The following ARHGAP29 variants were observed in gnomAD, a reference collection of about 807,000 sequenced individuals.
ARHGAP29 encodes the protein Rho GTPase activating protein 29, also known as rho GTPase-activating protein 29.
ARHGAP29 carries 43 observed loss-of-function variants against 122.6 expected under a neutral mutation model. That is an observed-to-expected ratio of 0.35 (90% CI 0.27 to 0.45). The LOEUF (loss-of-function observed/expected upper bound fraction) is 0.45, where lower values mean the gene tolerates loss of function less well. ARHGAP29 is among the 20% of genes least tolerant of loss of function. ARHGAP29 has a pLI of 1.00. For missense variants in ARHGAP29, 1,303 were observed against 1,477.2 expected, an observed-to-expected ratio of 0.88 and a Z score of 1.93; for synonymous variants, 506 against 497.1, an observed-to-expected ratio of 1.02 and a Z score of -0.24.
intron 2 of ARHGAP29, among the ~76,000 whole-genome samples, chr1:94,223,929 T>A (rs1046569796): frequency 6.6e-6 from 1 of 152,022 alleles, no homozygotes; most frequent in Non-Finnish European, 1.5e-5. Flanking sequence ...TGCCTCAGCC[T>A]CCCAAGTAGC....
At position 94,236,837 on chromosome 1, in the gene ARHGAP29, G is replaced by C. The variant is rs547809323; in HGVS notation, c.-33+578C>G. Among the ~76,000 whole-genome samples, 7 of 152,276 alleles carry C rather than the reference G, an allele frequency of 4.6e-5. No individual in the cohort carries two copies. The South Asian group carries it at 1.2e-3, about 27-fold the overall frequency. On this transcript the variant is annotated intron_variant, in intron 1 of 22. Transcript: ENST00000260526. Reference sequence around the variant, plus strand: ...AAATCCTAAAATATCTCAGGAATGAGAGCCCAACTGGAGTGAGGGCTGCAG... The same window carrying C: ...AAATCCTAAAATATCTCAGGAATGACAGCCCAACTGGAGTGAGGGCTGCAG...
chr1:94,203,952 G>C lies in ARHGAP29; in HGVS notation c.740C>G (p.Thr247Ser), dbSNP rs764929167. 2 of 1,613,680 alleles carry C rather than the reference G, an allele frequency of 1.2e-6. No homozygotes were observed. The highest frequency in any genetic ancestry group is 2.7e-5 in the African/African-American group (2 of 74,888). Residue 247 changes from threonine (T) to serine (S), a missense_variant, in exon 8 of 23, where the codon ACT (threonine) becomes AGT (serine). Around this residue, in one of 3 missense-constraint regions of ARHGAP29, gnomAD observed 592 missense variants for 648.2 expected, o/e 0.91. Coordinates refer to ENST00000260526, the MANE Select transcript of ARHGAP29 (RefSeq NM_004815.4). ...TRNMVKLAEA[T>S]RTNIGIQEFM... ...TACCTGAATTCCAATGTTAGTTCTA[G>C]TTGCCTCTGCCAACTTGACCATATT...
intron 19 of ARHGAP29, among the ~76,000 whole-genome samples, chr1:94,180,551 A>G (rs1649388798): frequency 6.6e-6 from 1 of 152,198 alleles, no homozygotes; most frequent in Non-Finnish European, 1.5e-5. Flanking sequence ...GTGATGAAAC[A>G]CAGGGTACCT....
At chr1:94,295,743 C>CCACACAATGTGGAATCTTCTAATTT in the ARHGAP29 span, among the ~76,000 whole-genome samples, 1 of 152,140 alleles carries the variant, frequency 6.6e-6, no homozygotes, top group Non-Finnish European at 1.5e-5. Flanking sequence ...TCTTCTAATT[C>CCACACAATGTGGAATCTTCTAATTT]CACACAATGT....
In ARHGAP29 at chr1:94,171,218, T is replaced by C. The variant is rs1392231394; in HGVS notation, c.*2651A>G. On this transcript the variant is annotated 3_prime_UTR_variant, in exon 23 of 23. Transcript: ENST00000260526. ...CCCAAATAACTGAGGTACAATTCTA[T>C]CTGCTTGTGAGTTCACTAGGCAACA... Among the ~76,000 whole-genome samples, 2 of 152,190 alleles carry C rather than the reference T, an allele frequency of 1.3e-5. No individual in the cohort carries two copies. The highest frequency in any genetic ancestry group is 1.9e-4 in the East Asian group (1 of 5,198).
chr1:94,290,871 A>G, the ARHGAP29 span, among the ~76,000 whole-genome samples: 3 of 152,092 alleles, frequency 2.0e-5, no homozygotes, highest in Non-Finnish European at 4.4e-5. Flanking sequence ...AATAAGTGTG[A>G]TGTGCTGTGA....
intron 18 of ARHGAP29, among the ~76,000 whole-genome samples, chr1:94,184,609 C>A (rs1184047643): frequency 6.6e-6 from 1 of 151,202 alleles, no homozygotes; most frequent in East Asian, 1.9e-4. Context: ...TTTTAATTAG[C>A]CAGGCGTGGT....
intron 1 of ARHGAP29, among the ~76,000 whole-genome samples, chr1:94,263,836 T>C (rs2100719810): frequency 6.6e-6 from 1 of 152,306 alleles, no homozygotes; most frequent in South Asian, 2.1e-4. Context: ...AATATAAACA[T>C]TTTCCCATGC....
At chr1:94,237,309 G>A in intron 1 of ARHGAP29, 106 bp downstream of exon 1, 7 of 791,362 alleles carry the variant, frequency 8.8e-6, no homozygotes, top group Non-Finnish European at 1.1e-5. Context: ...GCCGCCCCGC[G>A]GGCCTCCCGG....
chr1:94,177,416 C>A, intron 22 of ARHGAP29, 196 bp downstream of exon 22: 1 of 428,126 alleles, frequency 2.3e-6, no homozygotes, highest in South Asian at 5.4e-5. Flanking sequence ...ATAAGAAAGA[C>A]TTTTATGAAG....
rs1557877880 is a variant in ARHGAP29, at chr1:94,231,550, G to C, written c.62C>G (p.Ser21Cys). ...CATTTCAGAAGTTGTAATATCAGTA[G>C]AGAGTTGACCTGATGCCCAAGCACG... is the stretch of plus-strand genomic sequence containing the variant. The part of the protein sequence containing the change: ...KKRAWASGQL[S>C]TDITTSEMGL... Residue 21 changes from serine to cysteine, a missense_variant, in exon 2 of 23, where the codon TCT (serine) becomes TGT (cysteine). Around this residue, in one of 3 missense-constraint regions of ARHGAP29, gnomAD observed 592 missense variants for 648.2 expected, o/e 0.91. Coordinates refer to ENST00000260526, the MANE Select transcript of ARHGAP29 (RefSeq NM_004815.4). The C allele has an allele frequency of 6.2e-7, 1 of 1,613,736 alleles. No individual in the cohort carries two copies. Among genetic ancestry groups the C allele is most frequent in the East Asian group, 2.2e-5 (1 of 44,830 alleles).
chr1:94,188,014 G>T (rs1405326743), intron 15 of ARHGAP29, among the ~76,000 whole-genome samples: 1 of 152,132 alleles, frequency 6.6e-6, no homozygotes, highest in East Asian at 1.9e-4. Context: ...ATCTGAGATG[G>T]CTTAAATCCT....
the ARHGAP29 span, among the ~76,000 whole-genome samples, chr1:94,294,201 A>G: frequency 5.5e-4 from 84 of 152,302 alleles, no homozygotes; most frequent in Non-Finnish European, 1.0e-3. Context: ...TTTGGAACAT[A>G]TTGAGTTGTG....
chr1:94,203,930 C>T lies in ARHGAP29; in HGVS notation c.762G>A (p.Gln254=), dbSNP rs746547702. ...AEATRTNIGI[Q]EFMPLQSLFT... ...CCCCCGAAGTTCACAGAACACTTAC[C>T]TGAATTCCAATGTTAGTTCTAGTTG... Residue 254 remains glutamine, a splice_region_variant and synonymous_variant, in exon 8 of 23, where the codon CAG becomes CAA. Coordinates refer to ENST00000260526, the MANE Select transcript of ARHGAP29 (RefSeq NM_004815.4). 31 of 1,613,516 alleles carry T rather than the reference C, an allele frequency of 1.9e-5. No individual in the cohort carries two copies. The highest frequency in any genetic ancestry group is 2.5e-5 in the Non-Finnish European group (30 of 1,179,690).
At chr1:94,176,213 A>G (rs1649080937) in intron 22 of ARHGAP29, among the ~76,000 whole-genome samples, 1 of 152,228 alleles carries the variant, frequency 6.6e-6, no homozygotes, top group African/African-American at 2.4e-5. Flanking sequence ...GCACTGGGCT[A>G]GGCAATATCA....
chr1:94,233,095 A>C (rs560427173), intron 1 of ARHGAP29, among the ~76,000 whole-genome samples: 277 of 151,800 alleles, frequency 1.8e-3, no homozygotes, highest in Non-Finnish European at 3.2e-3. Context: ...CAGGGGCACA[A>C]CACCACACCT....
chr1:94,229,400 G>T (rs1033065805), intron 2 of ARHGAP29, among the ~76,000 whole-genome samples: 1 of 151,574 alleles, frequency 6.6e-6, no homozygotes, highest in African/African-American at 2.4e-5. Flanking sequence ...ATATTATGTA[G>T]CATTTTCCTT....
At position 94,168,937 on chromosome 1, in the gene ARHGAP29, A is replaced by G. The variant is rs1648542703; in HGVS notation, c.*4932T>C. Among the ~76,000 whole-genome samples, 1 of 152,200 alleles carries G rather than the reference A, an allele frequency of 6.6e-6. No homozygotes were observed. The highest frequency in any genetic ancestry group is 1.5e-5 in the Non-Finnish European group (1 of 68,036). ...AATTAGTCGTTTAATCTATTTTCTG[A>G]ACTGCATGCTTATTTTATGGATGCA... On this transcript the variant is annotated 3_prime_UTR_variant, in exon 23 of 23. Transcript: ENST00000260526.
Position 94,258,334 on chromosome 1 carries a change from C to T in ARHGAP29, c.-33+16678G>A, listed in dbSNP as rs145086313. On this transcript the variant is annotated intron_variant and NMD_transcript_variant, in intron 1 of 25. Transcript: ENST00000552844. ...TACCTGGTCTCTCAATTTTTTAAGC[C>T]AGGAATTTGGATTTTTATAGAACAT... Among the ~76,000 whole-genome samples, 57 of 152,248 alleles carry T rather than the reference C, an allele frequency of 3.7e-4. No individual in the cohort carries two copies. The East Asian group carries it at 0.011, about 28-fold the overall frequency.
Sources: allele counts gnomAD v4.1 joint callset (sites outside exome capture counted in the v4.1 genomes callset), GRCh38; gene constraint gnomAD v4.1.1; regional missense constraint gnomAD v4.1.1; transcripts MANE v1.5; gene names NCBI Gene and HGNC (gene_info 2026-07-23, HGNC 2026-07-21).